The following OR51B5 variants were observed in gnomAD, a reference collection of about 807,000 sequenced individuals.
OR51B5 encodes olfactory receptor 51B5.
For missense variants in OR51B5, 456 were observed against 374.6 expected (o/e 1.22, Z -1.79); for synonymous variants, 186 against 144.8 (o/e 1.28, Z -2.04).
intron 1 of OR51B5, among the ~76,000 whole-genome samples, chr11:5,374,005 C>A (rs937177082): frequency 1.3e-5 from 2 of 152,222 alleles, no homozygotes; most frequent in Non-Finnish European, 2.9e-5. Context: ...AGCTGGAGAT[C>A]TGAGAACGGG....
chr11:5,363,158 G>T (rs556105076), intron 1 of OR51B5, among the ~76,000 whole-genome samples: 1 of 151,354 alleles, frequency 6.6e-6, no homozygotes, highest in African/African-American at 2.4e-5. Flanking sequence ...AAAGTTTTAC[G>T]AACAGAATGA....
At chr11:5,491,973 G>T (rs563251945) in intron 1 of OR51B5, among the ~76,000 whole-genome samples, 1 of 152,232 alleles carries the variant, frequency 6.6e-6, no homozygotes, top group African/African-American at 2.4e-5. Flanking sequence ...TTCACAGTTT[G>T]GCACATAAAT....
intron 1 of OR51B5, among the ~76,000 whole-genome samples, chr11:5,418,279 T>G (rs1026889800): frequency 1.4e-4 from 21 of 152,108 alleles, no homozygotes; most frequent in African/African-American, 5.1e-4. Context: ...GGGGTAGGGA[T>G]AGCATTGGGA....
At chr11:5,423,536 C>T (rs1407494804) in intron 1 of OR51B5, among the ~76,000 whole-genome samples, 2 of 152,174 alleles carry the variant, frequency 1.3e-5, no homozygotes, top group African/African-American at 4.8e-5. Flanking sequence ...TTCTCTTAGG[C>T]AGTTCCATTT....
chr11:5,371,816 T>C (rs1196949502), intron 1 of OR51B5, among the ~76,000 whole-genome samples: 1 of 152,184 alleles, frequency 6.6e-6, no homozygotes, highest in African/African-American at 2.4e-5. Flanking sequence ...TACAGTACAG[T>C]ATTAAGTCTT....
chr11:5,504,403 G>A (rs113202959), intron 1 of OR51B5, among the ~76,000 whole-genome samples: 3,258 of 152,280 alleles, frequency 0.021, 114 homozygotes, highest in African/African-American at 0.075. Flanking sequence ...GGGCCATGCA[G>A]TAGGCCCAGC....
At chr11:5,342,860 G>C (rs1026402199) in exon 1 of OR51B5, 11 of 1,612,956 alleles carry the variant, frequency 6.8e-6, no homozygotes, top group South Asian at 3.3e-5. Context: ...GCTCAGGACA[G>C]TCTTGAGTAT....
At chr11:5,468,951 C>T (rs889728731) in intron 1 of OR51B5, 1 of 353,088 alleles carries the variant, frequency 2.8e-6, no homozygotes, top group Non-Finnish European at 5.6e-6. Context: ...AGTGGGAATA[C>T]CATGCAGAAG....
chr11:5,438,361 C>CCCG (rs796158301), intron 1 of OR51B5, among the ~76,000 whole-genome samples: 1 of 151,522 alleles, frequency 6.6e-6, no homozygotes, highest in Non-Finnish European at 1.5e-5. Context: ...CAACACCCCC[C>CCCG]CCCAGTTATC....
intron 1 of OR51B5, among the ~76,000 whole-genome samples, chr11:5,418,098 C>T (rs1406441735): frequency 7.3e-5 from 11 of 150,942 alleles, no homozygotes; most frequent in Non-Finnish European, 1.5e-4. Flanking sequence ...AGTTCATGTC[C>T]TTTGTAGGGA....
chr11:5,412,073 C>G (rs1215360332), intron 1 of OR51B5, among the ~76,000 whole-genome samples: 1 of 152,162 alleles, frequency 6.6e-6, no homozygotes, highest in Non-Finnish European at 1.5e-5. Flanking sequence ...GCTCTGGTCA[C>G]CACAGAAAAC....
chr11:5,467,832 C>T (rs1433566), intron 1 of OR51B5, among the ~76,000 whole-genome samples: 2,498 of 152,322 alleles, frequency 0.016, 85 homozygotes, highest in African/African-American at 0.057. Flanking sequence ...CTCTGTTAGG[C>T]TTCGATTTGG....
In OR51B5 at chr11:5,351,304, C is replaced by A. The variant is rs539748224; in HGVS notation, n.85-4394G>T. Among the ~76,000 whole-genome samples, 14 of 152,292 alleles carry A rather than the reference C, an allele frequency of 9.2e-5. No homozygotes were observed. In the South Asian group the frequency reaches 2.1e-3, roughly 23 times the overall value. On this transcript the variant is annotated intron_variant and non_coding_transcript_variant, in intron 1 of 4. Coordinates refer to the OR51B5 transcript ENST00000415970. Reference sequence around the variant, plus strand: ...ATCCAATAATCTTACATAGAGTAAACCCTAAATAATATCTTCTTTATACAT... The same window carrying A: ...ATCCAATAATCTTACATAGAGTAAAACCTAAATAATATCTTCTTTATACAT...
chr11:5,373,502 T>C (rs1293582978), intron 1 of OR51B5, among the ~76,000 whole-genome samples: 1 of 152,064 alleles, frequency 6.6e-6, no homozygotes, highest in East Asian at 1.9e-4. Flanking sequence ...CAGCACACCA[T>C]GCACCAGCCG....
intron 1 of OR51B5, among the ~76,000 whole-genome samples, chr11:5,412,468 C>T (rs1850163560): frequency 6.6e-6 from 1 of 152,142 alleles, no homozygotes; most frequent in South Asian, 2.1e-4. Context: ...GTACTGTGCG[C>T]CAGCCGAAGC....
chr11:5,374,328 C>G (rs971412590), intron 1 of OR51B5, among the ~76,000 whole-genome samples: 1 of 152,036 alleles, frequency 6.6e-6, no homozygotes, highest in Non-Finnish European at 1.5e-5. Context: ...AAAAACCCAT[C>G]GGTACATCAC....
At chr11:5,446,558 T>C (rs1464628940) in intron 1 of OR51B5, among the ~76,000 whole-genome samples, 2 of 152,224 alleles carry the variant, frequency 1.3e-5, no homozygotes, top group Non-Finnish European at 2.9e-5. Flanking sequence ...ATCTTTTATA[T>C]CAACTCAGTA....
At chr11:5,477,955 G>C (rs1212284929) in intron 1 of OR51B5, among the ~76,000 whole-genome samples, 1 of 151,938 alleles carries the variant, frequency 6.6e-6, no homozygotes, top group African/African-American at 2.4e-5. Context: ...CCATTGCCCA[G>C]GCTTGCTTAG....
chr11:5,481,207 C>T (rs11530147), intron 1 of OR51B5, among the ~76,000 whole-genome samples: 2,721 of 35,626 alleles, frequency 0.076, 123 homozygotes, highest in Non-Finnish European at 0.12. Flanking sequence ...GTTCAATATA[C>T]GCAAATCAAT....
Sources: allele counts gnomAD v4.1 joint callset (sites outside exome capture counted in the v4.1 genomes callset), GRCh38; gene constraint gnomAD v4.1.1; transcripts MANE v1.5; gene names NCBI Gene and HGNC (gene_info 2026-07-23, HGNC 2026-07-21).